The following STAP1 variants were observed in gnomAD, a reference collection of about 807,000 sequenced individuals.
The protein encoded by STAP1 is signal transducing adaptor family member 1, also known as signal-transducing adaptor protein 1.
STAP1 carries 30 observed loss-of-function variants against 37.8 expected under a neutral mutation model. The observed-to-expected ratio is 0.79, with a 90% CI of 0.59 to 1.08. STAP1 has a LOEUF of 1.08. Among genes scored for constraint, STAP1 ranks in the 50% least tolerant of loss-of-function variants. The pLI is 0.00. For missense variants in STAP1, 357 were observed against 349.4 expected, an observed-to-expected ratio of 1.02 and a Z score of -0.17; for synonymous variants, 130 against 116.0, an observed-to-expected ratio of 1.12 and a Z score of -0.78.
At position 67,579,238 on chromosome 4, in the gene STAP1, A is replaced by G. The variant is rs529576917; in HGVS notation, c.363+1979A>G. Among the ~76,000 whole-genome samples, 114 of 152,318 alleles carry G rather than the reference A, an allele frequency of 7.5e-4. 1 individual carries two copies. Among genetic ancestry groups the G allele is most frequent in the African/African-American group, 2.5e-3 (104 of 41,572 alleles). ...TTGTGTTATGATTCCAGATCATGGTATATGAACATTTACAGTATGTTGTTA... is the reference window on the plus strand; with the variant it reads ...TTGTGTTATGATTCCAGATCATGGTGTATGAACATTTACAGTATGTTGTTA... On this transcript the variant is annotated intron_variant, in intron 4 of 8. Transcript: ENST00000265404.
chr4:67,588,353 CGATGATGATGAT>C (rs35620968), intron 6 of STAP1, among the ~76,000 whole-genome samples: 1 of 150,924 alleles, frequency 6.6e-6, no homozygotes, highest in Non-Finnish European at 1.5e-5. Flanking sequence ...ACGACGACGA[CGATGATGATGAT>C]GATGATGATG....
At chr4:67,596,729 G>A (rs1056926291) in intron 8 of STAP1, among the ~76,000 whole-genome samples, 11 of 152,176 alleles carry the variant, frequency 7.2e-5, no homozygotes, top group African/African-American at 1.4e-4. Context: ...AATTTTGAAC[G>A]TGAGAGAGAT....
chr4:67,586,623 A>T (rs28490147), intron 6 of STAP1, among the ~76,000 whole-genome samples: 1 of 152,240 alleles, frequency 6.6e-6, no homozygotes, highest in Non-Finnish European at 1.5e-5. Flanking sequence ...ACTAAACACA[A>T]TGAATTTCTG....
intron 8 of STAP1, among the ~76,000 whole-genome samples, chr4:67,601,049 C>G (rs1728331041): frequency 6.6e-6 from 1 of 152,018 alleles, no homozygotes; most frequent in South Asian, 2.1e-4. Flanking sequence ...CTCTTCCTTC[C>G]TACCTTCTTT....
At chr4:67,569,667 C>T (rs187764720) in intron 1 of STAP1, among the ~76,000 whole-genome samples, 65 of 151,954 alleles carry the variant, frequency 4.3e-4, no homozygotes, top group Non-Finnish European at 6.5e-4. Context: ...CATACATTAG[C>T]CTAGGCCTAC....
At chr4:67,575,844 A>C (rs985946023) in intron 3 of STAP1, among the ~76,000 whole-genome samples, 3 of 152,200 alleles carry the variant, frequency 2.0e-5, no homozygotes, top group Admixed American at 2.0e-4. Flanking sequence ...ACTTGTATTA[A>C]ATAAGATATA....
chr4:67,599,920 G>T lies in STAP1; in HGVS notation c.827-6376G>T, dbSNP rs375958003. ...GACTCCCAATGTATTGGGATTACAG[G>T]TGTGAGCCACCATGCCTGGCTTATT... On this transcript the variant is annotated intron_variant, in intron 8 of 8. Coordinates refer to ENST00000265404, the MANE Select transcript of STAP1 (RefSeq NM_012108.4). Among the ~76,000 whole-genome samples, 5 of 152,264 alleles carry T rather than the reference G, an allele frequency of 3.3e-5. No homozygotes were observed. The East Asian group carries it at 9.7e-4, about 29-fold the overall frequency.
At chr4:67,579,689 C>G (rs1246510357) in intron 4 of STAP1, among the ~76,000 whole-genome samples, 1 of 152,046 alleles carries the variant, frequency 6.6e-6, no homozygotes, top group East Asian at 1.9e-4. Context: ...TTTTAAATGA[C>G]TAGATCTCAC....
At chr4:67,577,353 GA>G in intron 4 of STAP1, 94 bp downstream of exon 4, 1 of 1,072,996 alleles carries the variant, frequency 9.3e-7, no homozygotes, top group African/African-American at 1.6e-5. Context: ...AGTGGCTGAA[GA>G]TATAGCAATT....
At chr4:67,598,078 T>C (rs1728263144) in intron 8 of STAP1, among the ~76,000 whole-genome samples, 1 of 152,244 alleles carries the variant, frequency 6.6e-6, no homozygotes, top group Middle Eastern at 3.4e-3. Flanking sequence ...TTCCCAGGTG[T>C]TGAGGGAGGG....
At chr4:67,579,087 C>A (rs1210761825) in intron 4 of STAP1, among the ~76,000 whole-genome samples, 2 of 152,202 alleles carry the variant, frequency 1.3e-5, no homozygotes, top group Non-Finnish European at 2.9e-5. Flanking sequence ...CCTCCCACCT[C>A]AAGTGATCCT....
chr4:67,600,603 T>G (rs561162545), intron 8 of STAP1, among the ~76,000 whole-genome samples: 3 of 152,296 alleles, frequency 2.0e-5, no homozygotes, highest in Non-Finnish European at 4.4e-5. Context: ...CTAGCTATTA[T>G]TGTACTGGGG....
chr4:67,581,754 TGAA>T (rs1175156093), intron 5 of STAP1, among the ~76,000 whole-genome samples: 1 of 152,170 alleles, frequency 6.6e-6, no homozygotes, highest in East Asian at 1.9e-4. Flanking sequence ...AAAACTCCCA[TGAA>T]GAAGGCAGGA....
intron 1 of STAP1, among the ~76,000 whole-genome samples, chr4:67,569,057 A>G (rs1047174883): frequency 2.6e-5 from 4 of 152,220 alleles, no homozygotes; most frequent in African/African-American, 9.6e-5. Context: ...GAGTATACTT[A>G]TGCAACCATA....
intron 1 of STAP1, among the ~76,000 whole-genome samples, chr4:67,570,711 AAAGG>A (rs550191954): frequency 2.6e-4 from 39 of 150,684 alleles, no homozygotes; most frequent in Admixed American, 6.0e-4. Flanking sequence ...AAAGAAAGAG[AAAGG>A]AAGGAAGGAA....
intron 6 of STAP1, among the ~76,000 whole-genome samples, chr4:67,585,008 A>G (rs915932467): frequency 6.6e-6 from 1 of 152,210 alleles, no homozygotes; most frequent in South Asian, 2.1e-4. Flanking sequence ...TTTTCTGTGT[A>G]GTTGGGGTAG....
intron 6 of STAP1, among the ~76,000 whole-genome samples, 192 bp downstream of exon 6, chr4:67,583,894 C>T (rs543599173): frequency 3.3e-5 from 5 of 151,842 alleles, no homozygotes; most frequent in Admixed American, 1.3e-4. Context: ...GTCAGGATAT[C>T]GAGACTACCC....
chr4:67,579,939 C>T (rs564957455), intron 4 of STAP1, among the ~76,000 whole-genome samples: 3 of 152,110 alleles, frequency 2.0e-5, no homozygotes, highest in Non-Finnish European at 4.4e-5. Flanking sequence ...GATCCCGGCT[C>T]ACTGCAAATT....
chr4:67,572,069 A>G (rs1053592343), intron 2 of STAP1, among the ~76,000 whole-genome samples: 4 of 152,208 alleles, frequency 2.6e-5, no homozygotes, highest in Non-Finnish European at 5.9e-5. Flanking sequence ...AAGAGGCAGT[A>G]AAGCTTAATA....
Sources: gnomAD v4.1 joint callset for allele counts (sites outside exome capture counted in the v4.1 genomes callset) on GRCh38, gnomAD v4.1.1 for gene constraint, MANE v1.5 for transcripts, NCBI Gene and HGNC (gene_info 2026-07-23, HGNC 2026-07-21) for gene names.